The following MAN2B1 variants were observed in gnomAD, a reference collection of about 807,000 sequenced individuals.
MAN2B1 encodes the protein mannosidase alpha class 2B member 1.
A neutral mutation model predicts 127.5 loss-of-function variants in MAN2B1; 99 were observed. The observed-to-expected ratio is 0.78, with a 90% CI of 0.66 to 0.92. MAN2B1 has a LOEUF of 0.92. Among genes scored for constraint, MAN2B1 ranks in the 40% least tolerant of loss-of-function variants. The pLI is 0.00. For missense variants in MAN2B1, 1,304 were observed against 1,384.8 expected (o/e 0.94, Z 0.93); for synonymous variants, 573 against 568.8 (o/e 1.01, Z -0.11).
At position 12,650,002 on chromosome 19, in the gene MAN2B1, C is replaced by T. The variant is rs1475690846; in HGVS notation, c.2178G>A (p.Gly726=). ...TGTCAAAACGGCTGATGACCTCCTT[C>T]CCCCAGGTGTCGCTGTACCCAATGG... is the stretch of plus-strand genomic sequence containing the variant. The part of the protein sequence containing the change: ...VGPIPVGDTW[G]KEVISRFDTP... The change falls in exon 18 of 24, where the codon GGG becomes GGA. Residue 726 remains glycine (G), a synonymous_variant. Transcript: ENST00000456935. 3 of 1,613,914 alleles carry T rather than the reference C, an allele frequency of 1.9e-6. No individual in the cohort carries two copies. Among genetic ancestry groups the T allele is most frequent in the East Asian group, 2.2e-5 (1 of 44,878 alleles).
Position 12,666,683 on chromosome 19 carries a change from C to G in MAN2B1, c.19G>C (p.Ala7Pro), listed in dbSNP as rs199673719. 107 of 1,550,790 alleles carry G rather than the reference C, an allele frequency of 6.9e-5. 2 individuals are homozygous for G. In the Middle Eastern group the frequency reaches 2.9e-3, roughly 43 times the overall value. Residue 7 changes from alanine to proline, a missense_variant, in exon 1 of 24, where the codon GCT (alanine) becomes CCT (proline). Transcript: ENST00000456935. ...CAGCCGCGAGCGCAGACCCCCGAAGCCCGCGCGTAGGCGCCCATGGCTCAG... is the reference window on the plus strand; with the variant it reads ...CAGCCGCGAGCGCAGACCCCCGAAGGCCGCGCGTAGGCGCCCATGGCTCAG... MGAYAR[A>P]SGVCARGCLD... is the part of the protein sequence containing the mutation.
intron 10 of MAN2B1, 96 bp from the exon 11 acceptor site, chr19:12,657,651 G>A: frequency 2.7e-6 from 3 of 1,099,922 alleles, no homozygotes; most frequent in African/African-American, 1.6e-5. Context: ...AGGATTCTTA[G>A]AGGCTTTAAG....
At position 12,657,543 on chromosome 19, in the gene MAN2B1, G is replaced by A; in HGVS notation, c.1322C>T (p.Ala441Val). 6.4e-7 allele frequency: 1 copy of A among 1,563,694 alleles called. No individual in the cohort carries two copies. Among genetic ancestry groups the A allele is most frequent in the East Asian group, 2.4e-5 (1 of 42,206 alleles). Reference protein sequence around the residue: ...GDSAPLNEAMAVLQHHDAVSG... With the variant: ...GDSAPLNEAMVVLQHHDAVSG... ...GACGGCGTCGTGATGCTGGAGCACA[G>A]CCATCGCCTCATCTGCTCATAGACA... The change falls in exon 11 of 24, where the codon GCT (alanine) becomes GTT (valine). Residue 441 changes from alanine to valine, a missense_variant. Ala to Val is a moderately conservative substitution (Grantham distance 64). Coordinates refer to ENST00000456935, the MANE Select transcript of MAN2B1 (RefSeq NM_000528.4).
intron 3 of MAN2B1, 106 bp from the exon 4 acceptor site, chr19:12,665,091 G>A (rs556689288): frequency 5.9e-6 from 7 of 1,192,606 alleles, no homozygotes; most frequent in African/African-American, 3.0e-5. Flanking sequence ...CATTTCTGGC[G>A]GAAGGACAAG....
chr19:12,665,852 G>C, intron 1 of MAN2B1, 47 bp from the exon 2 acceptor site: 2 of 1,445,212 alleles, frequency 1.4e-6, no homozygotes, highest in Non-Finnish European at 1.9e-6. Flanking sequence ...AACCCCCGAG[G>C]TCGGGGGCTG....
At chr19:12,652,084 C>A in intron 16 of MAN2B1, 69 bp downstream of exon 16, 1 of 1,204,890 alleles carries the variant, frequency 8.3e-7, no homozygotes, top group Non-Finnish European at 1.2e-6. Context: ...CTACACATGG[C>A]CCACCACCCT....
At chr19:12,654,842 T>A (rs574631394) in intron 14 of MAN2B1, among the ~76,000 whole-genome samples, 1 of 152,048 alleles carries the variant, frequency 6.6e-6, no homozygotes, top group Non-Finnish European at 1.5e-5. Flanking sequence ...CCCAGCTAAT[T>A]TTTTGTAGAG....
In MAN2B1 at chr19:12,649,213, C is replaced by T. The variant is rs1393889492; in HGVS notation, c.2359G>A (p.Gly787Arg). 6.2e-7 allele frequency: 1 copy of T among 1,613,646 alleles called. No individual in the cohort carries two copies. Among genetic ancestry groups the T allele is most frequent in the East Asian group, 2.2e-5 (1 of 44,876 alleles). The change falls in exon 20 of 24, where the codon GGA (glycine) becomes AGA (arginine). Residue 787 changes from glycine (G) to arginine (R), a missense_variant. Physicochemically the swap from Gly to Arg is moderately radical, Grantham distance 125 (BLOSUM62 -2). Transcript: ENST00000456935. Reference protein sequence around the residue: ...PVNTRIYITDGNMQLTVLTDR... With the variant: ...PVNTRIYITDRNMQLTVLTDR... The stretch of plus-strand genomic sequence containing the variant: ...GTCAGCACAGTCAGCTGCATGTTTC[C>T]ATCCTGGGAGTTGAAGGGTGAAAGT...
intron 13 of MAN2B1, 177 bp from the exon 14 acceptor site, chr19:12,656,056 T>TG: frequency 1.8e-6 from 1 of 544,964 alleles, no homozygotes; most frequent in South Asian, 2.3e-5. Flanking sequence ...ATTCACCAGG[T>TG]GGAAAAAAAA....
At chr19:12,656,342 G>A (rs2145252112) in intron 13 of MAN2B1, 1 of 538,406 alleles carries the variant, frequency 1.9e-6, no homozygotes, top group East Asian at 3.2e-5. Context: ...GGGTGACAGA[G>A]CGAGACTCCG....
intron 5 of MAN2B1, 111 bp downstream of exon 5, chr19:12,663,592 G>T: frequency 6.5e-7 from 1 of 1,540,490 alleles, no homozygotes. Context: ...CAGGGCCTTT[G>T]TTCCCAGACT....
At chr19:12,661,112 AGCT>A (rs1233815309) in intron 7 of MAN2B1, 145 bp downstream of exon 7, 124 of 700,198 alleles carry the variant, frequency 1.8e-4, no homozygotes, top group Admixed American at 1.9e-5. Flanking sequence ...TGTTGTTTTG[AGCT>A]GCTAAGTGTG....
Position 12,662,750 on chromosome 19 carries a change from G to C in MAN2B1, c.909+567C>G, listed in dbSNP as rs544140428. On this transcript the variant is annotated intron_variant, in intron 6 of 23. Transcript: ENST00000456935. ...ATCACCTGAGGTCAAGACCAGCCTG[G>C]TCAACATGACGAAACCCTGTCTACT... Among the ~76,000 whole-genome samples the C allele has an allele frequency of 3.4e-4, 52 of 152,058 alleles. 1 individual carries two copies. The highest frequency in any genetic ancestry group is 2.8e-3 in the Admixed American group (43 of 15,270).
Position 12,665,373 on chromosome 19 carries a change from C to G in MAN2B1, c.415G>C (p.Val139Leu). 1 of 1,608,774 alleles carries G rather than the reference C, an allele frequency of 6.2e-7. No homozygotes were observed. Among genetic ancestry groups the G allele is most frequent in the Non-Finnish European group, 8.5e-7 (1 of 1,180,004 alleles). Residue 139 changes from valine (V) to leucine (L), a missense_variant, in exon 3 of 24, where the codon GTG becomes CTG. Physicochemically the swap from Val to Leu is conservative, Grantham distance 32 (BLOSUM62 1). Transcript: ENST00000456935. ...TCACCCTGGCGCACAAGGTCTCGCA[C>G]GACTTCCTGTGTGGCATTTGTCTGC... ...HQQTNATQEV[V>L]RDLVRQGRLE...
chr19:12,661,390 G>C lies in MAN2B1; in HGVS notation c.910-14C>G. ...GTAATACCGGCCCTGCAGGCAAGAG[G>C]GGAGTCCTGAAGCCAGAGGATCCTG... On this transcript the variant is annotated splice_polypyrimidine_tract_variant and intron_variant, in intron 6 of 23. Transcript: ENST00000456935. The C allele has an allele frequency of 6.4e-7, 1 of 1,560,008 alleles. No individual in the cohort carries two copies. The highest frequency in any genetic ancestry group is 8.8e-7 in the Non-Finnish European group (1 of 1,130,704).
intron 13 of MAN2B1, 32 bp from the exon 14 acceptor site, chr19:12,655,911 G>A: frequency 6.3e-7 from 1 of 1,593,230 alleles, no homozygotes; most frequent in Non-Finnish European, 8.6e-7. Context: ...ACTGAGTCAA[G>A]AGTACCCATG....
rs756595469 is a variant in MAN2B1 at position 12,658,054 on chromosome 19, G to A, written c.1309+9C>T. 5.0e-6 allele frequency: 8 copies of A among 1,608,488 alleles called. No individual in the cohort carries two copies. Among genetic ancestry groups the A allele is most frequent in the Non-Finnish European group, 5.9e-6 (7 of 1,177,610 alleles). On this transcript the variant is annotated intron_variant, in intron 10 of 23. Coordinates refer to ENST00000456935, the MANE Select transcript of MAN2B1 (RefSeq NM_000528.4). ...GCAAACCTCTTCCCCTCTTGGGCCCGACACTTACTGAGGGGTGCACTGTCT... is the reference window on the plus strand; with the variant it reads ...GCAAACCTCTTCCCCTCTTGGGCCCAACACTTACTGAGGGGTGCACTGTCT...
Position 12,647,339 on chromosome 19 carries a change from C to T in MAN2B1, c.2821-4G>A, listed in dbSNP as rs753776387. ...TGGTGAAGGTGGAGAACAGGTCCTG[C>T]GGGGAAGGGGATGGGCCCAGATGAG... On this transcript the variant is annotated splice_region_variant and splice_polypyrimidine_tract_variant and intron_variant, in intron 22 of 23. Transcript: ENST00000456935. The surrounding 1 kb of genome is among the most constrained non-coding windows in gnomAD (Gnocchi z 4.9). 8 of 1,613,710 alleles carry T rather than the reference C, an allele frequency of 5.0e-6. No homozygotes were observed. Among genetic ancestry groups the T allele is most frequent in the African/African-American group, 1.3e-5 (1 of 74,916 alleles).
rs749425508 is a variant in MAN2B1, at chr19:12,648,260, G to T, written c.2579C>A (p.Ala860Glu). ...QAAAAGHRLL[A>E]EQEVLAPQVV... is the part of the protein sequence containing the mutation. ...CTGAGGGGCCAGGACCTCCTGCTCC[G>T]CCAGGAGCCGGTGTCCGGCGGCTGC... The change falls in exon 21 of 24, where the codon GCG becomes GAG. Residue 860 changes from alanine (A) to glutamate (E), a missense_variant. By Grantham distance (107) the Ala-to-Glu change is moderately radical. Coordinates refer to ENST00000456935, the MANE Select transcript of MAN2B1 (RefSeq NM_000528.4). 6.2e-7 allele frequency: 1 copy of T among 1,604,634 alleles called. No homozygotes were observed. Among genetic ancestry groups the T allele is most frequent in the Non-Finnish European group, 8.5e-7 (1 of 1,177,850 alleles).
Sources: gnomAD v4.1 joint callset for allele counts (sites outside exome capture counted in the v4.1 genomes callset) on GRCh38, gnomAD v4.1.1 for gene constraint, Gnocchi (gnomAD v3.1) non-coding constraint, MANE v1.5 for transcripts, NCBI Gene and HGNC (gene_info 2026-07-23, HGNC 2026-07-21) for gene names.